The following SUPT3H variants were observed in gnomAD, a reference collection of about 807,000 sequenced individuals.
The protein encoded by SUPT3H is SPT3 homolog, SAGA and STAGA complex component.
A neutral mutation model predicts 44.3 loss-of-function variants in SUPT3H; 44 were observed. The ratio of observed to expected loss-of-function variants is 0.99; its 90% confidence interval spans 0.78 to 1.28. The LOEUF is 1.28. Ranked by LOEUF, SUPT3H falls within the 50% of genes most tolerant of loss-of-function variation. The pLI, the probability that SUPT3H is intolerant of heterozygous loss-of-function variation, is 0.00. For synonymous variants in SUPT3H, 124 were observed against 125.6 expected, an observed-to-expected ratio of 0.99 and a Z score of 0.09; for missense variants, 380 against 387.1, an observed-to-expected ratio of 0.98 and a Z score of 0.15.
chr6:45,303,143 TAA>T (rs1562916261), intron 2 of SUPT3H, among the ~76,000 whole-genome samples: 26 of 152,108 alleles, frequency 1.7e-4, no homozygotes, highest in Non-Finnish European at 3.2e-4. Context: ...GACTTAAATA[TAA>T]AACCTGAAAC....
intron 6 of SUPT3H, among the ~76,000 whole-genome samples, chr6:45,000,065 T>A (rs1271194200): frequency 6.6e-6 from 1 of 151,892 alleles, no homozygotes; most frequent in Non-Finnish European, 1.5e-5. Flanking sequence ...TAAATGTATA[T>A]ACACATATAA....
In SUPT3H at chr6:45,041,287, T is replaced by C. The variant is rs374899605; in HGVS notation, c.187-20655A>G. ...TACATTAGACAATGATGTCAAGGAA[T>C]GCCTTTCTAAGTGGGTGACCTTTTA... On this transcript the variant is annotated intron_variant, in intron 3 of 10. Coordinates refer to ENST00000371459, the MANE Select transcript of SUPT3H (RefSeq NM_003599.4). Among the ~76,000 whole-genome samples the C allele has an allele frequency of 2.6e-5, 4 of 152,328 alleles. No individual in the cohort carries two copies. The East Asian group carries it at 5.8e-4, about 22-fold the overall frequency.
chr6:45,196,817 G>A (rs1231782141), intron 2 of SUPT3H, among the ~76,000 whole-genome samples: 1 of 151,776 alleles, frequency 6.6e-6, no homozygotes, highest in Non-Finnish European at 1.5e-5. Context: ...GACAACTACT[G>A]ATAAAAGATG....
chr6:45,197,368 G>C (rs1157107995), intron 2 of SUPT3H, among the ~76,000 whole-genome samples: 1 of 151,250 alleles, frequency 6.6e-6, no homozygotes, highest in African/African-American at 2.4e-5. Context: ...TGATTTGAAA[G>C]AAAAATAAAT....
intron 2 of SUPT3H, among the ~76,000 whole-genome samples, chr6:45,123,374 C>CTTT (rs762550266): frequency 7.0e-6 from 1 of 142,826 alleles, no homozygotes; most frequent in African/African-American, 2.6e-5. Flanking sequence ...TCATTTATTT[C>CTTT]TTTTTTTTTT....
At chr6:44,965,002 A>C (rs922797432) in intron 6 of SUPT3H, among the ~76,000 whole-genome samples, 8 of 152,216 alleles carry the variant, frequency 5.3e-5, no homozygotes, top group Non-Finnish European at 1.0e-4. Flanking sequence ...AGCTGTCTTC[A>C]ACTAATGGTA....
intron 6 of SUPT3H, among the ~76,000 whole-genome samples, chr6:45,002,099 C>T (rs1315574142): frequency 6.6e-6 from 1 of 151,986 alleles, no homozygotes; most frequent in Non-Finnish European, 1.5e-5. Flanking sequence ...TGAAGATTTT[C>T]ACTGTAACTA....
intron 2 of SUPT3H, among the ~76,000 whole-genome samples, chr6:45,179,990 C>G (rs949081763): frequency 6.6e-6 from 1 of 152,054 alleles, no homozygotes; most frequent in African/African-American, 2.4e-5. Context: ...CCCAGAATCT[C>G]CTTAAGCTGA....
intron 10 of SUPT3H, among the ~76,000 whole-genome samples, chr6:44,830,875 G>T (rs1768540830): frequency 7.4e-6 from 1 of 135,162 alleles, no homozygotes; most frequent in Non-Finnish European, 1.5e-5. Context: ...AATTAACCTT[G>T]AACAGCCACA....
intron 6 of SUPT3H, among the ~76,000 whole-genome samples, chr6:44,985,004 G>A (rs1205592551): frequency 3.3e-5 from 5 of 151,578 alleles, no homozygotes; most frequent in African/African-American, 1.2e-4. Context: ...GGACAGTTTT[G>A]TGTCATTGAA....
At position 45,117,795 on chromosome 6, in the gene SUPT3H, T is replaced by G. The variant is rs575682691; in HGVS notation, c.102-11789A>C. 2.6e-5 allele frequency among the ~76,000 whole-genome samples: 4 copies of G among 152,244 alleles called. No individual in the cohort carries two copies. In the East Asian group the frequency reaches 7.7e-4, roughly 29 times the overall value. On this transcript the variant is annotated intron_variant, in intron 2 of 10. Coordinates refer to ENST00000371459, the MANE Select transcript of SUPT3H (RefSeq NM_003599.4). ...AATATATTCCAGTTGTACTACATAA[T>G]ATATTCCATTAGTTTCTTCACAAAG... is the stretch of plus-strand genomic sequence containing the variant.
At chr6:45,057,937 T>A (rs1791384320) in intron 3 of SUPT3H, among the ~76,000 whole-genome samples, 1 of 152,154 alleles carries the variant, frequency 6.6e-6, no homozygotes, top group Non-Finnish European at 1.5e-5. Flanking sequence ...AGAACTAACA[T>A]ATCAATGTGA....
intron 6 of SUPT3H, among the ~76,000 whole-genome samples, chr6:44,965,670 C>T (rs1776680410): frequency 6.6e-6 from 1 of 151,464 alleles, no homozygotes; most frequent in Non-Finnish European, 1.5e-5. Context: ...TTGTTTATTC[C>T]TCTCTTCCCC....
Position 45,355,262 on chromosome 6 carries a change from C to A in SUPT3H, c.101+9939G>T, listed in dbSNP as rs551254040. 7.9e-5 allele frequency among the ~76,000 whole-genome samples: 12 copies of A among 151,714 alleles called. No homozygotes were observed. The South Asian group carries it at 2.5e-3, about 32-fold the overall frequency. On this transcript the variant is annotated intron_variant, in intron 2 of 10. Coordinates refer to ENST00000371459, the MANE Select transcript of SUPT3H (RefSeq NM_003599.4). Reference sequence around the variant, plus strand: ...CAGGCATGAGCCACCATGCCCAGCTCCAATAAGCACTTTAATTTAATTTAA... The same window carrying A: ...CAGGCATGAGCCACCATGCCCAGCTACAATAAGCACTTTAATTTAATTTAA...
At chr6:45,174,036 A>G (rs562246725) in intron 2 of SUPT3H, among the ~76,000 whole-genome samples, 1 of 152,342 alleles carries the variant, frequency 6.6e-6, no homozygotes, top group African/African-American at 2.4e-5. Context: ...TCACCCAGTA[A>G]TTCTTTCATT....
intron 1 of SUPT3H, among the ~76,000 whole-genome samples, chr6:45,369,786 A>G (rs886532177): frequency 6.6e-6 from 1 of 152,200 alleles, no homozygotes; most frequent in East Asian, 1.9e-4. Context: ...ACAAGCACAT[A>G]AACAAATATA....
intron 3 of SUPT3H, among the ~76,000 whole-genome samples, chr6:45,092,697 C>T (rs1423200124): frequency 7.0e-6 from 1 of 142,528 alleles, no homozygotes; most frequent in Non-Finnish European, 1.5e-5. Flanking sequence ...TTCCAGTGAG[C>T]TGAGATTGTG....
At chr6:45,100,527 C>G (rs1798407270) in intron 3 of SUPT3H, among the ~76,000 whole-genome samples, 1 of 89,096 alleles carries the variant, frequency 1.1e-5, no homozygotes, top group African/African-American at 5.0e-5. Flanking sequence ...GGCATCATAG[C>G]AAGACCCTGT....
At chr6:44,864,048 C>T (rs1036844852) in intron 10 of SUPT3H, among the ~76,000 whole-genome samples, 2 of 151,934 alleles carry the variant, frequency 1.3e-5, no homozygotes, top group African/African-American at 4.8e-5. Context: ...TATCATTCTG[C>T]TCCTGCCCCC....
Sources: gnomAD v4.1 joint callset for allele counts (sites outside exome capture counted in the v4.1 genomes callset) on GRCh38, gnomAD v4.1.1 for gene constraint, MANE v1.5 for transcripts, NCBI Gene and HGNC (gene_info 2026-07-23, HGNC 2026-07-21) for gene names.